Variants in PPP2R2B observed in about 807,000 individuals in gnomAD.
PPP2R2B encodes protein phosphatase 2 regulatory subunit Bbeta, also known as serine/threonine-protein phosphatase 2A 55 kDa regulatory subunit B beta isoform.
Under a neutral mutation model 46.0 loss-of-function variants are expected in PPP2R2B, and 5 were observed. That is an observed-to-expected ratio of 0.11 (90% confidence interval 0.06 to 0.23). The LOEUF (loss-of-function observed/expected upper bound fraction) is 0.23. PPP2R2B is among the 10% of genes least tolerant of loss of function. The pLI is 1.00. For missense variants in PPP2R2B, 367 were observed against 575.0 expected, an observed-to-expected ratio of 0.64 and a Z score of 3.70; for synonymous variants, 215 against 206.7, an observed-to-expected ratio of 1.04 and a Z score of -0.34.
intron 2 of PPP2R2B, among the ~76,000 whole-genome samples, chr5:146,734,056 GTTTT>G (rs201448902): frequency 7.0e-6 from 1 of 142,598 alleles, no homozygotes; most frequent in African/African-American, 2.5e-5. Flanking sequence ...AATGAGTTAG[GTTTT>G]TTTTTTTTTT....
chr5:146,772,123 A>G (rs1270720811), intron 2 of PPP2R2B, among the ~76,000 whole-genome samples: 1 of 152,132 alleles, frequency 6.6e-6, no homozygotes, highest in Non-Finnish European at 1.5e-5. Flanking sequence ...TAAAAAACAT[A>G]ATGCAACCTT....
chr5:146,950,320 A>C (rs1484648232), intron 1 of PPP2R2B, among the ~76,000 whole-genome samples: 1 of 152,088 alleles, frequency 6.6e-6, no homozygotes, highest in Non-Finnish European at 1.5e-5. Flanking sequence ...TATGTTAAAG[A>C]AGTACTGTTA....
At chr5:146,780,719 T>A (rs576693050) in intron 2 of PPP2R2B, among the ~76,000 whole-genome samples, 1 of 152,304 alleles carries the variant, frequency 6.6e-6, no homozygotes, top group African/African-American at 2.4e-5. Flanking sequence ...TGGTGACCCC[T>A]CTAGTTAGAT....
chr5:146,786,389 G>A (rs1409577809), intron 2 of PPP2R2B, among the ~76,000 whole-genome samples: 1 of 152,120 alleles, frequency 6.6e-6, no homozygotes, highest in East Asian at 1.9e-4. Flanking sequence ...CCTGGAGACA[G>A]TCAGCCAGGT....
At chr5:147,034,276 C>T (rs542782464) in intron 1 of PPP2R2B, among the ~76,000 whole-genome samples, 13 of 152,178 alleles carry the variant, frequency 8.5e-5, no homozygotes, top group Non-Finnish European at 1.6e-4. Flanking sequence ...TTAATGGCCA[C>T]TCAATCTTTC....
intron 7 of PPP2R2B, among the ~76,000 whole-genome samples, chr5:146,603,147 G>C (rs1039677729): frequency 6.6e-6 from 1 of 152,130 alleles, no homozygotes; most frequent in South Asian, 2.1e-4. Flanking sequence ...AGCTTGGTAC[G>C]CAGTAGGTCC....
Position 147,072,644 on chromosome 5 carries a change from G to A in PPP2R2B, c.50+8415C>T, listed in dbSNP as rs181592938. Among the ~76,000 whole-genome samples the A allele has an allele frequency of 5.2e-4, 79 of 152,234 alleles. 2 individuals are homozygous for A. Among genetic ancestry groups the A allele is most frequent in the Admixed American group, 5.0e-3 (76 of 15,288 alleles). Reference sequence around the variant, plus strand: ...TGCAGCAAAGGTGGAATGAGATAACGTGTTGAAAGCAGTTATTAAGGAGTC... The same window carrying A: ...TGCAGCAAAGGTGGAATGAGATAACATGTTGAAAGCAGTTATTAAGGAGTC... On this transcript the variant is annotated intron_variant, in intron 2 of 10. Coordinates refer to the PPP2R2B transcript ENST00000394413.
intron 2 of PPP2R2B, among the ~76,000 whole-genome samples, chr5:146,734,971 C>T (rs943633970): frequency 2.6e-5 from 4 of 152,092 alleles, no homozygotes; most frequent in African/African-American, 7.2e-5. Flanking sequence ...CAGAAGGAAG[C>T]TGAGGATGAA....
intron 1 of PPP2R2B, among the ~76,000 whole-genome samples, chr5:147,006,697 G>T (rs935147941): frequency 6.6e-6 from 1 of 152,096 alleles, no homozygotes; most frequent in Non-Finnish European, 1.5e-5. Flanking sequence ...CTCTTTGGCA[G>T]CAGTGATTCT....
At chr5:146,701,370 A>C (rs777947805) in intron 2 of PPP2R2B, 8 of 663,708 alleles carry the variant, frequency 1.2e-5, no homozygotes, top group Non-Finnish European at 1.9e-5. Flanking sequence ...TCTGGAGAGA[A>C]TAAAAGGGAA....
At chr5:146,946,558 A>C (rs745475699) in intron 1 of PPP2R2B, among the ~76,000 whole-genome samples, 3 of 152,160 alleles carry the variant, frequency 2.0e-5, no homozygotes, top group African/African-American at 7.2e-5. Context: ...GTAAGTGGTG[A>C]ATATTTTTAT....
At chr5:146,820,646 T>C (rs1758200640) in intron 2 of PPP2R2B, among the ~76,000 whole-genome samples, 1 of 152,188 alleles carries the variant, frequency 6.6e-6, no homozygotes, top group Non-Finnish European at 1.5e-5. Flanking sequence ...ATACCTCTAC[T>C]GAGCTCTAGA....
At chr5:147,030,066 T>G (rs533630290) in intron 1 of PPP2R2B, among the ~76,000 whole-genome samples, 2 of 152,228 alleles carry the variant, frequency 1.3e-5, no homozygotes, top group Admixed American at 6.5e-5. Context: ...GAATTGCATG[T>G]TGCTGTATAT....
intron 1 of PPP2R2B, among the ~76,000 whole-genome samples, chr5:146,970,398 C>T (rs1303350038): frequency 2.6e-5 from 4 of 151,716 alleles, no homozygotes; most frequent in African/African-American, 4.8e-5. Context: ...GTCAAGAGTT[C>T]GAGAATAGCC....
intron 5 of PPP2R2B, among the ~76,000 whole-genome samples, chr5:146,652,018 A>G (rs1052667128): frequency 1.3e-5 from 2 of 152,170 alleles, no homozygotes; most frequent in African/African-American, 4.8e-5. Flanking sequence ...ACCACAGGTG[A>G]CTTGAGGTGT....
At chr5:147,074,739 A>T (rs1314428911) in intron 2 of PPP2R2B, among the ~76,000 whole-genome samples, 1 of 152,196 alleles carries the variant, frequency 6.6e-6, no homozygotes, top group Non-Finnish European at 1.5e-5. Context: ...CTTTGCAAGG[A>T]AGTCACAGTT....
intron 5 of PPP2R2B, among the ~76,000 whole-genome samples, chr5:146,680,259 A>G (rs1369934979): frequency 6.0e-5 from 9 of 149,352 alleles, no homozygotes; most frequent in Non-Finnish European, 1.2e-4. Context: ...CATGGATGAA[A>G]TTGGAAATCA....
At chr5:146,788,008 T>C (rs1561907202) in intron 2 of PPP2R2B, among the ~76,000 whole-genome samples, 1 of 152,218 alleles carries the variant, frequency 6.6e-6, no homozygotes, top group African/African-American at 2.4e-5. Context: ...GTCTTTCTCA[T>C]GTCTGCTTTC....
At chr5:146,746,678 A>G (rs1349587492) in intron 2 of PPP2R2B, among the ~76,000 whole-genome samples, 1 of 152,230 alleles carries the variant, frequency 6.6e-6, no homozygotes, top group Non-Finnish European at 1.5e-5. Flanking sequence ...AAGAAGCATG[A>G]GAAGTATATT....
Sources: gnomAD v4.1 joint callset for allele counts (sites outside exome capture counted in the v4.1 genomes callset) on GRCh38, gnomAD v4.1.1 for gene constraint, MANE v1.5 for transcripts, NCBI Gene and HGNC (gene_info 2026-07-23, HGNC 2026-07-21) for gene names.